The following IL1RAPL2 variants were observed in gnomAD, a reference collection of about 807,000 sequenced individuals.
IL1RAPL2 encodes the protein X-linked interleukin-1 receptor accessory protein-like 2.
In IL1RAPL2, 3 loss-of-function variants were observed where a neutral mutation model predicts 44.1. The ratio of observed to expected loss-of-function variants is 0.07; its 90% CI spans 0.03 to 0.18. The LOEUF is 0.18. IL1RAPL2 is among the 10% of genes least tolerant of loss of function. The pLI, the probability that IL1RAPL2 is intolerant of heterozygous loss-of-function variation, is 1.00. For synonymous variants in IL1RAPL2, 181 were observed against 178.8 expected, an observed-to-expected ratio of 1.01 and a Z score of -0.10; for missense variants, 391 against 496.4, an observed-to-expected ratio of 0.79 and a Z score of 2.02.
At chrX:105,605,078 T>G (rs2037283780) in intron 6 of IL1RAPL2, among the ~76,000 whole-genome samples, 1 of 110,828 alleles carries the variant, frequency 9.0e-6, no homozygotes, top group Non-Finnish European at 1.9e-5. Flanking sequence ...ATTCAGTATA[T>G]TTTTGGAAGT....
intron 6 of IL1RAPL2, among the ~76,000 whole-genome samples, chrX:105,565,097 T>C (rs1055525698): frequency 1.8e-5 from 2 of 112,134 alleles, no homozygotes; most frequent in African/African-American, 3.2e-5. Context: ...ACAGTGGCTA[T>C]TGTTTCATTC....
At chrX:105,100,390 G>T (rs1468572743) in intron 2 of IL1RAPL2, among the ~76,000 whole-genome samples, 1 of 111,683 alleles carries the variant, frequency 9.0e-6, no homozygotes, top group African/African-American at 3.3e-5. Context: ...AAGGCTAAGG[G>T]CATAAATAAA....
intron 2 of IL1RAPL2, among the ~76,000 whole-genome samples, chrX:104,923,855 G>A (rs1199424970): frequency 4.0e-5 from 3 of 75,114 alleles, no homozygotes; most frequent in Admixed American, 1.6e-4. Context: ...AGATATAGAC[G>A]GGCAAGTTGG....
chrX:105,506,410 C>T (rs1007225479), intron 6 of IL1RAPL2, among the ~76,000 whole-genome samples: 4 of 111,142 alleles, frequency 3.6e-5, no homozygotes, highest in African/African-American at 1.3e-4. Flanking sequence ...TGACCTTTGA[C>T]AGAAGCAGTT....
intron 2 of IL1RAPL2, among the ~76,000 whole-genome samples, chrX:104,979,022 A>T (rs2147725284): frequency 9.0e-6 from 1 of 111,281 alleles, no homozygotes; most frequent in South Asian, 3.8e-4. Flanking sequence ...CATACAAAAC[A>T]TGAAAATAAA....
chrX:105,740,277 A>G (rs1294032077), intron 7 of IL1RAPL2, among the ~76,000 whole-genome samples: 3 of 112,097 alleles, frequency 2.7e-5, no homozygotes, highest in African/African-American at 9.7e-5. Context: ...ACTAATAAAG[A>G]AAAAAAGAGA....
At chrX:105,032,890 C>T (rs1174867671) in intron 2 of IL1RAPL2, among the ~76,000 whole-genome samples, 1 of 111,357 alleles carries the variant, frequency 9.0e-6, no homozygotes, top group Non-Finnish European at 1.9e-5. Context: ...TAAGGACTTG[C>T]TTTATGAATC....
intron 2 of IL1RAPL2, among the ~76,000 whole-genome samples, chrX:105,075,935 T>C (rs1258717696): frequency 3.6e-5 from 4 of 111,955 alleles, no homozygotes; most frequent in Admixed American, 1.9e-4. Context: ...TTCTCTCTTT[T>C]CTTCTTTACT....
intron 2 of IL1RAPL2, among the ~76,000 whole-genome samples, chrX:104,920,545 C>A (rs1405218899): frequency 2.0e-5 from 2 of 101,600 alleles, no homozygotes; most frequent in African/African-American, 3.6e-5. Flanking sequence ...CCCTCTCTTG[C>A]TCCTGCTTTC....
At chrX:104,924,689 A>G (rs1233477470) in intron 2 of IL1RAPL2, among the ~76,000 whole-genome samples, 3 of 111,540 alleles carry the variant, frequency 2.7e-5, no homozygotes, top group Non-Finnish European at 5.6e-5. Flanking sequence ...TCTGGAATAC[A>G]ATAAAAACAG....
chrX:104,936,547 A>G (rs936781331), intron 2 of IL1RAPL2, among the ~76,000 whole-genome samples: 7 of 110,630 alleles, frequency 6.3e-5, no homozygotes, highest in Non-Finnish European at 1.3e-4. Flanking sequence ...AATCTATAGA[A>G]GCAAAAATAT....
chrX:105,009,428 G>C (rs1444912319), intron 2 of IL1RAPL2, among the ~76,000 whole-genome samples: 1 of 108,947 alleles, frequency 9.2e-6, no homozygotes, highest in African/African-American at 3.4e-5. Context: ...CATAAAAAAG[G>C]ATGAGTTCAT....
intron 6 of IL1RAPL2, among the ~76,000 whole-genome samples, chrX:105,715,662 T>G (rs765665735): frequency 4.5e-5 from 5 of 111,397 alleles, no homozygotes; most frequent in Non-Finnish European, 7.5e-5. Flanking sequence ...TCAGGGTACA[T>G]GGGCTTGAGT....
At chrX:104,804,755 G>A (rs1391472563) in intron 2 of IL1RAPL2, among the ~76,000 whole-genome samples, 2 of 112,250 alleles carry the variant, frequency 1.8e-5, no homozygotes, top group Non-Finnish European at 3.8e-5. Context: ...AATAAGTCAA[G>A]TATTCATTAA....
intron 2 of IL1RAPL2, among the ~76,000 whole-genome samples, chrX:104,854,766 G>A (rs1307787396): frequency 9.0e-6 from 1 of 111,508 alleles, no homozygotes; most frequent in Non-Finnish European, 1.9e-5. Context: ...TCTAAAAGGG[G>A]ACACATGAGA....
chrX:104,647,914 A>C, intron 1 of IL1RAPL2: 1 of 657,589 alleles, frequency 1.5e-6, no homozygotes. Context: ...CAGCATCCAC[A>C]TTATATAAGG....
chrX:105,761,206 A>T (rs1439748161), intron 10 of IL1RAPL2, among the ~76,000 whole-genome samples: 1 of 101,620 alleles, frequency 9.8e-6, no homozygotes, highest in Non-Finnish European at 2.0e-5. Context: ...AAAAAGAAAA[A>T]AAAACTCTTC....
intron 2 of IL1RAPL2, among the ~76,000 whole-genome samples, chrX:104,905,468 G>A (rs1283867681): frequency 3.6e-5 from 4 of 111,678 alleles, no homozygotes; most frequent in East Asian, 2.8e-4. Context: ...TCCATCTTGA[G>A]TTGATTTTTG....
chrX:104,884,788 A>G (rs1371495465), intron 2 of IL1RAPL2, among the ~76,000 whole-genome samples: 3 of 111,678 alleles, frequency 2.7e-5, no homozygotes, highest in African/African-American at 9.8e-5. Context: ...TTTACATCCC[A>G]CAGGAGGACA....
Sources: allele counts gnomAD v4.1 joint callset (sites outside exome capture counted in the v4.1 genomes callset), GRCh38; gene constraint gnomAD v4.1.1; transcripts MANE v1.5; gene names NCBI Gene and HGNC (gene_info 2026-07-23, HGNC 2026-07-21).